Variants in CNTNAP5 observed in about 807,000 individuals in gnomAD.
CNTNAP5 encodes the protein contactin-associated protein-like 5.
A neutral mutation model predicts 150.2 loss-of-function variants in CNTNAP5; 72 were observed. The observed-to-expected ratio is 0.48, with a 90% CI of 0.40 to 0.58. CNTNAP5 has a LOEUF of 0.58. CNTNAP5 is among the 20% of genes least tolerant of loss of function. CNTNAP5 has a pLI of 0.00. For synonymous variants in CNTNAP5, 672 were observed against 619.8 expected (o/e 1.08, Z -1.25); for missense variants, 1,636 against 1,626.2 (o/e 1.01, Z -0.10).
chr2:124,403,658 A>T (rs942822541), intron 3 of CNTNAP5, among the ~76,000 whole-genome samples: 1 of 152,214 alleles, frequency 6.6e-6, no homozygotes, highest in Non-Finnish European at 1.5e-5. Context: ...AACGAGATAC[A>T]ATCCAGATTC....
intron 3 of CNTNAP5, among the ~76,000 whole-genome samples, chr2:124,299,608 T>C (rs1017818083): frequency 2.2e-5 from 3 of 137,558 alleles, no homozygotes; most frequent in African/African-American, 8.2e-5. Flanking sequence ...TTTAGGTCGA[T>C]TCCATGTCTT....
chr2:124,443,534 G>A (rs184622007), intron 5 of CNTNAP5, among the ~76,000 whole-genome samples: 28 of 152,036 alleles, frequency 1.8e-4, no homozygotes, highest in East Asian at 1.9e-4. Context: ...CATTAATAGC[G>A]GTGATTACCT....
chr2:124,145,832 G>GAAAAAAAAGAAA, intron 1 of CNTNAP5, among the ~76,000 whole-genome samples: 1 of 34,220 alleles, frequency 2.9e-5, no homozygotes, highest in Non-Finnish European at 4.8e-5. Context: ...AAAAAAAGAA[G>GAAAAAAAAGAAA]AAAAAAAAAA....
rs186972561 is a variant in CNTNAP5, at chr2:124,108,084, C to A, written c.82+82352C>A. Among the ~76,000 whole-genome samples the A allele has an allele frequency of 1.4e-3, 215 of 152,336 alleles. 1 individual carries two copies. Among genetic ancestry groups the A allele is most frequent in the African/African-American group, 4.8e-3 (198 of 41,578 alleles). On this transcript the variant is annotated intron_variant, in intron 1 of 23. Coordinates refer to ENST00000682447, the MANE Select transcript of CNTNAP5 (RefSeq NM_001367498.1). ...GAAACAGTCAGATATGCATTTGTCT[C>A]AGGTGAGCAGAGCGATGGCTGTCTG...
intron 19 of CNTNAP5, among the ~76,000 whole-genome samples, chr2:124,851,359 A>AAAAG (rs1218477782): frequency 1.3e-5 from 2 of 152,212 alleles, no homozygotes; most frequent in African/African-American, 4.8e-5. Context: ...TCCATCCAAA[A>AAAAG]AAAGAAAGAA....
intron 13 of CNTNAP5, among the ~76,000 whole-genome samples, chr2:124,720,984 G>A (rs918134421): frequency 2.0e-5 from 3 of 151,776 alleles, no homozygotes; most frequent in Non-Finnish European, 4.4e-5. Context: ...CATGCTCTTT[G>A]GCACATTCCT....
chr2:124,514,960 T>C (rs938645810), intron 8 of CNTNAP5, among the ~76,000 whole-genome samples: 1 of 152,158 alleles, frequency 6.6e-6, no homozygotes, highest in Admixed American at 6.5e-5. Flanking sequence ...GTGTGGATGT[T>C]TGATCTCAGC....
intron 3 of CNTNAP5, among the ~76,000 whole-genome samples, chr2:124,365,369 C>T (rs78429112): frequency 0.016 from 2,450 of 151,200 alleles, 63 homozygotes; most frequent in African/African-American, 0.055. Context: ...AGAATACTTG[C>T]GGGAATCTTT....
intron 21 of CNTNAP5, among the ~76,000 whole-genome samples, chr2:124,881,259 C>T (rs557971175): frequency 1.3e-5 from 2 of 152,104 alleles, no homozygotes; most frequent in South Asian, 4.2e-4. Flanking sequence ...TAATGCCTAA[C>T]CTTTGGATAC....
chr2:124,413,259 A>G (rs964010867), intron 3 of CNTNAP5, among the ~76,000 whole-genome samples: 35 of 150,986 alleles, frequency 2.3e-4, no homozygotes, highest in African/African-American at 7.3e-4. Flanking sequence ...GTGGAGAAAT[A>G]GCAACACTTT....
chr2:124,455,408 A>G (rs1693096598), intron 6 of CNTNAP5, among the ~76,000 whole-genome samples: 1 of 152,152 alleles, frequency 6.6e-6, no homozygotes. Context: ...ATAGTAATCA[A>G]AAAATTACCA....
At chr2:124,514,724 C>T (rs183457597) in intron 8 of CNTNAP5, among the ~76,000 whole-genome samples, 2 of 152,062 alleles carry the variant, frequency 1.3e-5, no homozygotes, top group African/African-American at 4.8e-5. Context: ...CAGCTTGGTT[C>T]TTAAGAATGA....
intron 3 of CNTNAP5, among the ~76,000 whole-genome samples, chr2:124,392,062 A>G (rs1691126940): frequency 1.3e-5 from 2 of 152,200 alleles, no homozygotes; most frequent in Non-Finnish European, 2.9e-5. Context: ...AGAGAAAAGC[A>G]TGAATCTGGA....
rs771133594 is a variant in CNTNAP5, at chr2:124,798,311, T to G, written c.3208T>G (p.Cys1070Gly). 5 of 1,610,506 alleles carry G rather than the reference T, an allele frequency of 3.1e-6. No homozygotes were observed. Among genetic ancestry groups the G allele is most frequent in the Non-Finnish European group, 4.2e-6 (5 of 1,176,874 alleles). ...SSQDFVVVLL[C>G]KNGSLQVRYH... ...TCAGGACTTCGTGGTTGTTCTGCTCTGCAAGAATGGTGAGTGTGATGGCAT... is the reference window on the plus strand; with the variant it reads ...TCAGGACTTCGTGGTTGTTCTGCTCGGCAAGAATGGTGAGTGTGATGGCAT... Residue 1070 changes from cysteine (C) to glycine (G), a missense_variant, in exon 19 of 24, where the codon TGC (cysteine) becomes GGC (glycine). Cys to Gly is a radical substitution (Grantham distance 159). Coordinates refer to ENST00000682447, the MANE Select transcript of CNTNAP5 (RefSeq NM_001367498.1).
chr2:124,534,999 G>C (rs773250065), intron 10 of CNTNAP5, among the ~76,000 whole-genome samples: 1 of 152,192 alleles, frequency 6.6e-6, no homozygotes, highest in Non-Finnish European at 1.5e-5. Context: ...TTCAGTGTAC[G>C]TTGTTCTGGT....
chr2:124,035,936 G>C (rs1209958611), intron 1 of CNTNAP5, among the ~76,000 whole-genome samples: 1 of 5,184 alleles, frequency 1.9e-4, no homozygotes, highest in Non-Finnish European at 3.7e-4. Flanking sequence ...TTTTTTTTTT[G>C]AGACGGAGTC....
intron 1 of CNTNAP5, among the ~76,000 whole-genome samples, chr2:124,159,145 G>A (rs545295508): frequency 1.8e-4 from 28 of 152,250 alleles, no homozygotes; most frequent in African/African-American, 6.3e-4. Context: ...TGTGTCTCTT[G>A]GGATATAAAA....
At chr2:124,465,197 G>A (rs2104824884) in intron 6 of CNTNAP5, among the ~76,000 whole-genome samples, 1 of 152,250 alleles carries the variant, frequency 6.6e-6, no homozygotes, top group South Asian at 2.1e-4. Context: ...GGTAGATTCT[G>A]GGACCTCATG....
At chr2:124,427,286 G>T (rs906450458) in intron 4 of CNTNAP5, among the ~76,000 whole-genome samples, 6 of 152,050 alleles carry the variant, frequency 3.9e-5, no homozygotes, top group Non-Finnish European at 7.4e-5. Flanking sequence ...CCAGGATTAT[G>T]CAGGCTGACC....
Sources: allele counts gnomAD v4.1 joint callset (sites outside exome capture counted in the v4.1 genomes callset), GRCh38; gene constraint gnomAD v4.1.1; transcripts MANE v1.5; gene names NCBI Gene and HGNC (gene_info 2026-07-23, HGNC 2026-07-21).